NXNL2: variants seen among roughly 807,000 people sequenced by gnomAD.
NXNL2 encodes the protein nucleoredoxin like 2, also known as nucleoredoxin-like protein 2.
A neutral mutation model predicts 11.1 loss-of-function variants in NXNL2; 7 were observed. That is an observed-to-expected ratio of 0.63 (90% CI 0.36 to 1.18). The LOEUF is 1.18. Among genes scored for constraint, NXNL2 ranks in the 50% most tolerant of loss-of-function variants. NXNL2 has a pLI of 0.02. For synonymous variants in NXNL2, 109 were observed against 101.8 expected (o/e 1.07, Z -0.42); for missense variants, 233 against 217.7 (o/e 1.07, Z -0.44).
chr9:88,547,666 T>C (rs2118442965), downstream of NXNL2, among the ~76,000 whole-genome samples: 1 of 152,354 alleles, frequency 6.6e-6, no homozygotes, highest in Admixed American at 6.5e-5. Flanking sequence ...GCCAGCTATC[T>C]AGAATCTTTG....
rs1265055047 is a variant in NXNL2, at chr9:88,535,815, G to C, written c.302+79G>C. 5 of 1,237,086 alleles carry C rather than the reference G, an allele frequency of 4.0e-6. No homozygotes were observed. In the Admixed American group the frequency reaches 1.3e-4, roughly 32 times the overall value. 76.6% of individuals were successfully genotyped at this position (1,237,086 alleles called of 1,614,324 possible). Reference sequence around the variant, plus strand: ...CCCCCAGGCCTCCCCCTCTGCACTGGGGAGCTCTTTATGACGCCCCCCCCC... The same window carrying C: ...CCCCCAGGCCTCCCCCTCTGCACTGCGGAGCTCTTTATGACGCCCCCCCCC... On this transcript the variant is annotated intron_variant, in intron 1 of 1. Coordinates refer to ENST00000375854, the MANE Select transcript of NXNL2 (RefSeq NM_001161625.2).
Position 88,544,745 on chromosome 9 carries a change from G to T in NXNL2, c.*198G>T. 2 of 1,337,760 alleles carry T rather than the reference G, an allele frequency of 1.5e-6. No individual in the cohort carries two copies. Among genetic ancestry groups the T allele is most frequent in the East Asian group, 3.0e-5 (1 of 33,610 alleles). The allele number at this position is 1,337,760 out of a possible 1,614,324, so 82.9% of individuals were successfully genotyped here. A position where few individuals can be genotyped will look rare whatever the true frequency, so the allele number is the denominator to read the frequency against. On this transcript the variant is annotated 3_prime_UTR_variant, in exon 2 of 2. Coordinates refer to ENST00000375854, the MANE Select transcript of NXNL2 (RefSeq NM_001161625.2). ...CATATTTTGATCATGCAGGCTGTTTGTATTATAGTTATTTTTGTTATTCTT... is the reference window on the plus strand; with the variant it reads ...CATATTTTGATCATGCAGGCTGTTTTTATTATAGTTATTTTTGTTATTCTT...
chr9:88,566,603 G>A (rs560505026), intron 1 of NXNL2, among the ~76,000 whole-genome samples: 4 of 152,102 alleles, frequency 2.6e-5, no homozygotes, highest in Non-Finnish European at 4.4e-5. Flanking sequence ...GCGCCTGGCC[G>A]ATCCCTTATG....
At position 88,535,346 on chromosome 9, in the gene NXNL2, G is replaced by C; in HGVS notation, c.-89G>C. The C allele has an allele frequency of 7.6e-7, 1 of 1,319,480 alleles. No homozygotes were observed. The highest frequency in any genetic ancestry group is 1.0e-6 in the Non-Finnish European group (1 of 990,132). The allele number at this position is 1,319,480 out of a possible 1,614,324, so 81.7% of individuals were successfully genotyped here. Reference sequence around the variant, plus strand: ...AGCGCCCGGTGGTGCGGACAGAGGCGGGGCACCGCGGCGCTCGCCGCCGCC... The same window carrying C: ...AGCGCCCGGTGGTGCGGACAGAGGCCGGGCACCGCGGCGCTCGCCGCCGCC... On this transcript the variant is annotated 5_prime_UTR_variant, in exon 1 of 2. Coordinates refer to ENST00000375854, the MANE Select transcript of NXNL2 (RefSeq NM_001161625.2).
At chr9:88,548,339 CAAAAAAAAAAAAAAAAAAAAAAAAAAA>C (rs60796870), downstream of NXNL2, among the ~76,000 whole-genome samples, 6,763 of 31,138 alleles carry the variant, frequency 0.22, 384 homozygotes, top group Non-Finnish European at 0.29. Context: ...GACTTTTTCT[CAAAAAAAAAAAAAAAAAAAAAAAAAAA>C]AAAAAAAAAA....
chr9:88,550,554 G>T (rs369524581), intron 1 of NXNL2, among the ~76,000 whole-genome samples: 1 of 152,236 alleles, frequency 6.6e-6, no homozygotes, highest in East Asian at 1.9e-4. Context: ...GGCCTAAAAA[G>T]GTGGGACATC....
intron 1 of NXNL2, among the ~76,000 whole-genome samples, chr9:88,556,808 C>T (rs1200554565): frequency 3.9e-5 from 6 of 151,970 alleles, no homozygotes; most frequent in East Asian, 3.9e-4. Flanking sequence ...CAGGTGCAAG[C>T]GGCTCACACC....
intron 1 of NXNL2, among the ~76,000 whole-genome samples, chr9:88,560,585 T>C (rs1333559598): frequency 6.6e-6 from 1 of 152,078 alleles, no homozygotes; most frequent in African/African-American, 2.4e-5. Flanking sequence ...TGCAGAAGTA[T>C]CTTGGCTATG....
chr9:88,539,397 C>T lies in NXNL2; in HGVS notation c.302+3661C>T, dbSNP rs1007961568. 6.0e-5 allele frequency among the ~76,000 whole-genome samples: 9 copies of T among 149,166 alleles called. No homozygotes were observed. In the East Asian group the frequency reaches 1.0e-3, roughly 16 times the overall value. On this transcript the variant is annotated intron_variant, in intron 1 of 1. Coordinates refer to ENST00000375854, the MANE Select transcript of NXNL2 (RefSeq NM_001161625.2). Reference sequence around the variant, plus strand: ...TGCTGCTGGCATCCCAACCCCTTCACGACCCACCAGCAGCCCTCCAAGGAG... The same window carrying T: ...TGCTGCTGGCATCCCAACCCCTTCATGACCCACCAGCAGCCCTCCAAGGAG...
chr9:88,558,284 G>C (rs1830044200), intron 1 of NXNL2, among the ~76,000 whole-genome samples: 2 of 152,156 alleles, frequency 1.3e-5, no homozygotes, highest in South Asian at 4.1e-4. Flanking sequence ...CAAAAGAGCA[G>C]AGTTTGGGGA....
At chr9:88,583,889 C>CA (rs1268722154) in intron 1 of NXNL2, 1 of 152,088 alleles carries the variant, frequency 6.6e-6, no homozygotes, top group Non-Finnish European at 1.5e-5. Flanking sequence ...GAACCCTTGC[C>CA]AGGAACCAAA....
intron 1 of NXNL2, among the ~76,000 whole-genome samples, chr9:88,540,077 A>G (rs1829717476): frequency 6.6e-6 from 1 of 151,986 alleles, no homozygotes; most frequent in African/African-American, 2.4e-5. Context: ...TCACGCCTGT[A>G]ATCCCAGCAC....
intron 1 of NXNL2, among the ~76,000 whole-genome samples, chr9:88,552,473 G>GTTTTTTTT (rs59133640): frequency 7.6e-6 from 1 of 131,566 alleles, no homozygotes; most frequent in African/African-American, 2.8e-5. Flanking sequence ...AAACATGCAT[G>GTTTTTTTT]TTTTTTTTTT....
intron 1 of NXNL2, among the ~76,000 whole-genome samples, chr9:88,568,656 A>G (rs1162156009): frequency 2.0e-5 from 3 of 152,154 alleles, no homozygotes; most frequent in Non-Finnish European, 4.4e-5. Context: ...TATCATTATA[A>G]TGTTTTATCA....
In NXNL2 at chr9:88,564,285, TTATCTATCTATC is replaced by T. The variant is rs71507766; in HGVS notation, c.303-6773_303-6762del. On this transcript the variant is annotated intron_variant, in intron 1 of 2. Transcript: ENST00000375855. ...ATCTATCTGTCTATCTATCTATCTATTATCTATCTATCTATCTATCTATCTATCTATCTATCT... is the reference window on the plus strand; with the variant it reads ...ATCTATCTGTCTATCTATCTATCTATTATCTATCTATCTATCTATCTATCT... Among the ~76,000 whole-genome samples, 358 of 140,244 alleles carry T rather than the reference TTATCTATCTATC, an allele frequency of 2.6e-3. 2 individuals are homozygous for T. Among genetic ancestry groups the T allele is most frequent in the South Asian group, 0.016 (66 of 4,224 alleles). 92.0% of individuals were successfully genotyped at this position (140,244 alleles called of 152,430 possible). A position where few individuals can be genotyped will look rare whatever the true frequency, so the allele number is the denominator to read the frequency against.
chr9:88,536,876 A>T (rs938645936), intron 1 of NXNL2, among the ~76,000 whole-genome samples: 2 of 152,228 alleles, frequency 1.3e-5, no homozygotes, highest in African/African-American at 4.8e-5. Context: ...ATTGATAATG[A>T]ATCTCCAAGA....
intron 1 of NXNL2, chr9:88,538,443 G>C (rs1829675699): frequency 6.6e-6 from 1 of 152,270 alleles, no homozygotes; most frequent in Non-Finnish European, 1.5e-5. Flanking sequence ...ATGGTGTCAA[G>C]GGCAAGCTGG....
In NXNL2 at chr9:88,535,534, G is replaced by C. The variant is rs1000313376; in HGVS notation, c.100G>C (p.Ala34Pro). Reference sequence around the variant, plus strand: ...GAACAAGGTGGTGGCACTGTACTTCGCGGCGGCCCGGTGCGCGCCGAGCCG... The same window carrying C: ...GAACAAGGTGGTGGCACTGTACTTCCCGGCGGCCCGGTGCGCGCCGAGCCG... ...LQNKVVALYF[A>P]AARCAPSRDF... Residue 34 changes from alanine (A) to proline (P), a missense_variant, in exon 1 of 2, where the codon GCG becomes CCG. Coordinates refer to ENST00000375854, the MANE Select transcript of NXNL2 (RefSeq NM_001161625.2). 7.5e-6 allele frequency: 12 copies of C among 1,607,510 alleles called. No homozygotes were observed. The Admixed American group carries it at 1.3e-4, about 18-fold the overall frequency.
At chr9:88,557,258 C>T (rs1043764220) in intron 1 of NXNL2, among the ~76,000 whole-genome samples, 1 of 152,122 alleles carries the variant, frequency 6.6e-6, no homozygotes, top group African/African-American at 2.4e-5. Flanking sequence ...GATAAATTCT[C>T]TTTGAACTAG....
Sources: gnomAD v4.1 joint callset for allele counts (sites outside exome capture counted in the v4.1 genomes callset) on GRCh38, gnomAD v4.1.1 for gene constraint, MANE v1.5 for transcripts, NCBI Gene and HGNC (gene_info 2026-07-23, HGNC 2026-07-21) for gene names.